CCDC57: variants seen among roughly 807,000 people sequenced by gnomAD.
CCDC57 encodes coiled-coil domain-containing protein 57.
In CCDC57, 118 loss-of-function variants were observed where a neutral mutation model predicts 118.9. The observed-to-expected ratio is 0.99, with a 90% CI of 0.86 to 1.16. The LOEUF (loss-of-function observed/expected upper bound fraction) is 1.16, where lower values mean the gene tolerates loss of function less well. Ranked by LOEUF, CCDC57 falls within the 50% of genes most tolerant of loss-of-function variation. The probability of loss-of-function intolerance (pLI) is 0.00; values close to 1 mark genes in which losing one functional copy is unlikely to be tolerated. For synonymous variants in CCDC57, 527 were observed against 532.9 expected (o/e 0.99, Z 0.15); for missense variants, 1,300 against 1,320.7 (o/e 0.98, Z 0.24).
At chr17:82,210,541 A>G (rs1249370808) in intron 1 of CCDC57, among the ~76,000 whole-genome samples, 1 of 150,278 alleles carries the variant, frequency 6.7e-6, no homozygotes, top group East Asian at 1.9e-4. Flanking sequence ...ATAGCCGGGC[A>G]TGGTGGCAGG....
intron 17 of CCDC57, among the ~76,000 whole-genome samples, chr17:82,131,282 T>G (rs1380345383): frequency 1.3e-5 from 2 of 150,662 alleles, no homozygotes; most frequent in Non-Finnish European, 3.0e-5. Flanking sequence ...AATACAAAAA[T>G]TAACTGTGTC....
In CCDC57 at chr17:82,209,950, C is replaced by T. The variant is rs77283700; in HGVS notation, c.-210-1902G>A. 5.9e-3 allele frequency among the ~76,000 whole-genome samples: 893 copies of T among 152,206 alleles called. 6 individuals carry two copies. Among genetic ancestry groups the T allele is most frequent in the African/African-American group, 0.018 (759 of 41,520 alleles). ...CTGGGATCTTGGTTTCTAAACACTA[C>T]CTTCTAAACTAAAAGGAACCAGGGC... On this transcript the variant is annotated intron_variant, in intron 1 of 19. Coordinates refer to ENST00000665763, the Ensembl canonical transcript of CCDC57.
intron 19 of CCDC57, among the ~76,000 whole-genome samples, chr17:82,124,680 C>T (rs2037174181): frequency 6.6e-6 from 1 of 151,978 alleles, no homozygotes; most frequent in African/African-American, 2.4e-5. Flanking sequence ...CCTGTGGTCC[C>T]AGCTACTTGG....
intron 16 of CCDC57, among the ~76,000 whole-genome samples, chr17:82,144,611 A>G (rs2040462724): frequency 1.3e-5 from 2 of 152,224 alleles, no homozygotes; most frequent in Admixed American, 1.3e-4. Flanking sequence ...GTCAAGGAGC[A>G]GGCCTGGGAA....
intron 3 of CCDC57, among the ~76,000 whole-genome samples, chr17:82,200,673 G>C (rs913608155): frequency 6.6e-6 from 1 of 151,954 alleles, no homozygotes; most frequent in African/African-American, 2.4e-5. Flanking sequence ...GGCACCTATA[G>C]TCCCAGCTAC....
At chr17:82,148,074 GTAGA>G (rs2041094297) in intron 16 of CCDC57, among the ~76,000 whole-genome samples, 2 of 69,074 alleles carry the variant, frequency 2.9e-5, no homozygotes, top group African/African-American at 5.5e-5. Context: ...GGATGGGTGG[GTAGA>G]TGGGTGGATG....
intron 13 of CCDC57, among the ~76,000 whole-genome samples, chr17:82,170,898 C>G (rs904308057): frequency 2.6e-5 from 4 of 152,194 alleles, no homozygotes; most frequent in Non-Finnish European, 5.9e-5. Context: ...AGTGTTGGCG[C>G]GCATGCAGCA....
At chr17:82,141,762 AC>A (rs1173460614) in intron 16 of CCDC57, among the ~76,000 whole-genome samples, 1 of 152,088 alleles carries the variant, frequency 6.6e-6, no homozygotes, top group South Asian at 2.1e-4. Flanking sequence ...TCCGCACATT[AC>A]CTGTCTGATG....
At chr17:82,182,968 G>C (rs898244286) in intron 9 of CCDC57, among the ~76,000 whole-genome samples, 2 of 152,220 alleles carry the variant, frequency 1.3e-5, no homozygotes, top group Non-Finnish European at 2.9e-5. Flanking sequence ...TGACAGGCGT[G>C]AGCCATCACA....
chr17:82,150,640 A>C (rs796995368), intron 16 of CCDC57, among the ~76,000 whole-genome samples: 27 of 31,144 alleles, frequency 8.7e-4, no homozygotes, highest in Admixed American at 2.2e-3. Flanking sequence ...CAGAACCAGG[A>C]GCACACCCAG....
At chr17:82,169,536 A>G (rs7406182) in intron 13 of CCDC57, among the ~76,000 whole-genome samples, 7,222 of 152,112 alleles carry the variant, frequency 0.047, 223 homozygotes, top group African/African-American at 0.09. Context: ...CCCCTACACT[A>G]AGGGGGGCTG....
intron 13 of CCDC57, among the ~76,000 whole-genome samples, chr17:82,170,434 G>T (rs570887198): frequency 1.3e-5 from 2 of 151,722 alleles, no homozygotes; most frequent in South Asian, 4.2e-4. Context: ...CTTGAACTTG[G>T]GAGGCAGAGG....
chr17:82,129,444 C>T (rs546784283), intron 17 of CCDC57, among the ~76,000 whole-genome samples: 20 of 152,344 alleles, frequency 1.3e-4, no homozygotes, highest in African/African-American at 4.1e-4. Context: ...GGCTGTGGAA[C>T]GAGCCCAGCC....
rs996108990 is a variant in CCDC57, at chr17:82,172,944, C to T, written c.1507-84G>A. The T allele has an allele frequency of 1.7e-5, 22 of 1,284,698 alleles. No individual in the cohort carries two copies. The highest frequency in any genetic ancestry group is 4.4e-5 in the African/African-American group (3 of 67,976). 79.6% of individuals were successfully genotyped at this position (1,284,698 alleles called of 1,614,324 possible). ...ACAGGCTGTGCCTCCGCTCTCCCCGCGCCCCTCTCGGGCCGGTCCCCCGCT... is the reference window on the plus strand; with the variant it reads ...ACAGGCTGTGCCTCCGCTCTCCCCGTGCCCCTCTCGGGCCGGTCCCCCGCT... On this transcript the variant is annotated intron_variant, in intron 11 of 19. Transcript: ENST00000665763. This position sits in a 1 kb window ranked among gnomAD's most constrained non-coding sequence, Gnocchi z 5.2.
At chr17:82,141,712 T>G (rs901048364) in intron 16 of CCDC57, among the ~76,000 whole-genome samples, 8 of 152,192 alleles carry the variant, frequency 5.3e-5, no homozygotes, top group African/African-American at 1.9e-4. Flanking sequence ...TGCAGACGTG[T>G]GAGCTGTGCC....
At chr17:82,147,649 ATGGATACATGGAAGGG>A (rs2040971416) in intron 16 of CCDC57, among the ~76,000 whole-genome samples, 1 of 83,428 alleles carries the variant, frequency 1.2e-5, no homozygotes, top group African/African-American at 4.6e-5. Flanking sequence ...GGATGGGTGG[ATGGATACATGGAAGGG>A]TGGGTGGGTG....
chr17:82,204,010 G>A (rs1215915302), intron 2 of CCDC57, among the ~76,000 whole-genome samples: 4 of 152,190 alleles, frequency 2.6e-5, no homozygotes, highest in Admixed American at 6.5e-5. Flanking sequence ...AGGTGGGTAA[G>A]GGGCTGCAAG....
At chr17:82,157,790 C>T (rs1174216805) in exon 15 of CCDC57, 1 of 1,605,768 alleles carries the variant, frequency 6.2e-7, no homozygotes, top group Non-Finnish European at 8.5e-7. Flanking sequence ...GGGGCTGCTT[C>T]CTGCCTGAAG....
At position 82,189,746 on chromosome 17, in the gene CCDC57, G is replaced by A. The variant is rs148931021; in HGVS notation, c.852-1327C>T. Among the ~76,000 whole-genome samples the A allele has an allele frequency of 7.4e-3, 1,127 of 152,276 alleles. 9 individuals carry two copies. The highest frequency in any genetic ancestry group is 0.012 in the Non-Finnish European group (797 of 68,018). On this transcript the variant is annotated intron_variant, in intron 7 of 19. Transcript: ENST00000665763. ...CACATCCCTGTGATCCCAGCTACTC[G>A]GGAGGCTGAGGCAGGAGAATTGCTC...
Sources: allele counts gnomAD v4.1 joint callset (sites outside exome capture counted in the v4.1 genomes callset), GRCh38; gene constraint gnomAD v4.1.1; non-coding constraint Gnocchi (gnomAD v3.1); transcripts MANE v1.5; gene names NCBI Gene and HGNC (gene_info 2026-07-23, HGNC 2026-07-21).